Variants in C19orf67 observed in about 807,000 individuals in gnomAD.
C19orf67 encodes UPF0575 protein C19orf67.
A neutral mutation model predicts 41.4 loss-of-function variants in C19orf67; 28 were observed. The ratio of observed to expected loss-of-function variants is 0.68; its 90% CI spans 0.50 to 0.93. The LOEUF is 0.93. Ranked by LOEUF, C19orf67 falls within the 40% of genes least tolerant of loss-of-function variation. C19orf67 has a pLI of 0.00. For missense variants in C19orf67, 421 were observed against 467.0 expected, an observed-to-expected ratio of 0.90 and a Z score of 0.91; for synonymous variants, 242 against 203.4, an observed-to-expected ratio of 1.19 and a Z score of -1.62.
Position 14,081,958 on chromosome 19 carries a change from C to T in C19orf67, c.953G>A (p.Gly318Asp). The T allele has an allele frequency of 6.5e-7, 1 of 1,531,408 alleles. No homozygotes were observed. The highest frequency in any genetic ancestry group is 8.7e-7 in the Non-Finnish European group (1 of 1,144,066). The allele number at this position is 1,531,408 out of a possible 1,614,324, so 94.9% of individuals were successfully genotyped here. The stretch of plus-strand genomic sequence containing the variant: ...CAGCGTGGGCGTGGGCTCCTCGAAG[C>T]CGATGGTCAGCAGCTGCTGGTAGTC... The part of the protein sequence containing the change: ...LGDYQQLLTI[G>D]FEEPTPTLAT... Residue 318 changes from glycine (G) to aspartate (D), a missense_variant, in exon 6 of 6, where the codon GGC (glycine) becomes GAC (aspartate). This residue lies in a region of C19orf67 where 253 missense variants were observed against 307.0 expected (regional missense o/e 0.82). Coordinates refer to ENST00000548523, the MANE Select transcript of C19orf67 (RefSeq NM_001277378.2).
In C19orf67 at chr19:14,081,846, C is replaced by G; in HGVS notation, c.1065G>C (p.Ala355=). The change falls in exon 6 of 6, where the codon GCG becomes GCC. Residue 355 remains alanine, a synonymous_variant. Coordinates refer to ENST00000548523, the MANE Select transcript of C19orf67 (RefSeq NM_001277378.2). ...PSAAGPAGWA[A]QGS is the part of the protein sequence containing the mutation. Reference sequence around the variant, plus strand: ...CTCTTCCCCAGGTTCAAGACCCCTGCGCTGCCCACCCCGCAGGCCCGGCTG... The same window carrying G: ...CTCTTCCCCAGGTTCAAGACCCCTGGGCTGCCCACCCCGCAGGCCCGGCTG... 6.5e-7 allele frequency: 1 copy of G among 1,532,142 alleles called. No homozygotes were observed. The highest frequency in any genetic ancestry group is 8.7e-7 in the Non-Finnish European group (1 of 1,144,922). The allele number at this position is 1,532,142 out of a possible 1,614,324, so 94.9% of individuals were successfully genotyped here. A position where few individuals can be genotyped will look rare whatever the true frequency, so the allele number is the denominator to read the frequency against.
At chr19:14,082,352 A>G (rs185869067) in intron 5 of C19orf67, 117 bp downstream of exon 5, 23 of 1,213,076 alleles carry the variant, frequency 1.9e-5, no homozygotes, top group Non-Finnish European at 2.5e-5. Flanking sequence ...TCAGGGCACA[A>G]TAAAATGCTA....
chr19:14,084,403 AAAC>A (rs1259807635), intron 1 of C19orf67, among the ~76,000 whole-genome samples: 2 of 151,422 alleles, frequency 1.3e-5, no homozygotes, highest in African/African-American at 2.4e-5. Flanking sequence ...AAAAAAAAAA[AAAC>A]AGCCTCATGA....
In C19orf67 at chr19:14,081,953, C is replaced by T. The variant is rs545489390; in HGVS notation, c.958G>A (p.Glu320Lys). Residue 320 changes from glutamate to lysine, a missense_variant, in exon 6 of 6, where the codon GAG (glutamate) becomes AAG (lysine). Physicochemically the swap from Glu to Lys is moderately conservative, Grantham distance 56. Coordinates refer to ENST00000548523, the MANE Select transcript of C19orf67 (RefSeq NM_001277378.2). ...GTGGCCAGCGTGGGCGTGGGCTCCTCGAAGCCGATGGTCAGCAGCTGCTGG... is the reference window on the plus strand; with the variant it reads ...GTGGCCAGCGTGGGCGTGGGCTCCTTGAAGCCGATGGTCAGCAGCTGCTGG... ...DYQQLLTIGF[E>K]EPTPTLATDL... The T allele has an allele frequency of 3.3e-6, 5 of 1,531,988 alleles. No individual in the cohort carries two copies. The African/African-American group carries it at 5.5e-5, about 17-fold the overall frequency. The allele number at this position is 1,531,988 out of a possible 1,614,324, so 94.9% of individuals were successfully genotyped here. A position where few individuals can be genotyped will look rare whatever the true frequency, so the allele number is the denominator to read the frequency against.
At chr19:14,082,705 C>T in intron 4 of C19orf67, 102 bp from the exon 5 acceptor site, 1 of 1,147,120 alleles carries the variant, frequency 8.7e-7, no homozygotes, top group Non-Finnish European at 1.2e-6. Flanking sequence ...CAGAAGTTGC[C>T]CTGAAGTTCT....
At position 14,082,014 on chromosome 19, in the gene C19orf67, GT is replaced by G; in HGVS notation, c.903-7del. Reference sequence around the variant, plus strand: ...GCGGCTGCGGGCACAAAATCCTGGGGTGGGGGGGCCAGGGATAGACAGGCCT... The same window carrying G: ...GCGGCTGCGGGCACAAAATCCTGGGGGGGGGGGCCAGGGATAGACAGGCCT... On this transcript the variant is annotated splice_polypyrimidine_tract_variant and splice_region_variant and intron_variant, in intron 5 of 5. Coordinates refer to ENST00000548523, the MANE Select transcript of C19orf67 (RefSeq NM_001277378.2). 1 of 1,495,402 alleles carries G rather than the reference GT, an allele frequency of 6.7e-7. No individual in the cohort carries two copies. The highest frequency in any genetic ancestry group is 8.9e-7 in the Non-Finnish European group (1 of 1,124,018). The allele number at this position is 1,495,402 out of a possible 1,614,324, so 92.6% of individuals were successfully genotyped here.
Position 14,081,896 on chromosome 19 carries a change from C to T in C19orf67, c.1015G>A (p.Ala339Thr), listed in dbSNP as rs1238309631. The change falls in exon 6 of 6, where the codon GCA (alanine) becomes ACA (threonine). Residue 339 changes from alanine (A) to threonine (T), a missense_variant. Physicochemically the swap from Ala to Thr is moderately conservative, Grantham distance 58. Transcript: ENST00000548523. The stretch of plus-strand genomic sequence containing the variant: ...GCGCTCGGAGGCCGGGCCTGGCCTG[C>T]CTGGCCCGTGAGGATCTGCACCAGC... ...DLLVQILTGQ[A>T]GQARPPSAAG... The T allele has an allele frequency of 2.0e-6, 3 of 1,534,392 alleles. No individual in the cohort carries two copies. The highest frequency in any genetic ancestry group is 2.6e-6 in the Non-Finnish European group (3 of 1,145,894).
chr19:14,082,108 TTGTTTCAGCTGCGGG>T (rs1487770016), intron 5 of C19orf67, 100 bp from the exon 6 acceptor site: 35 of 1,072,354 alleles, frequency 3.3e-5, no homozygotes, highest in Non-Finnish European at 4.0e-5. Flanking sequence ...GAAAGAGGCT[TTGTTTCAGCTGCGGG>T]TGGGAAAAAC....
In C19orf67 at chr19:14,081,820, C is replaced by T. The variant is rs575816704; in HGVS notation, c.*14G>A. ...GGAACTGTCAAGTTCCAGCTCCTAC[C>T]CTCTTCCCCAGGTTCAAGACCCCTG... On this transcript the variant is annotated 3_prime_UTR_variant, in exon 6 of 6. Transcript: ENST00000548523. 544 of 1,505,056 alleles carry T rather than the reference C, an allele frequency of 3.6e-4. 2 individuals are homozygous for T. The South Asian group carries it at 6.3e-3, about 17-fold the overall frequency. 93.2% of individuals were successfully genotyped at this position (1,505,056 alleles called of 1,614,324 possible).
intron 5 of C19orf67, among the ~76,000 whole-genome samples, chr19:14,082,267 C>A (rs1231141681): frequency 6.6e-6 from 1 of 152,084 alleles, no homozygotes; most frequent in East Asian, 1.9e-4. Flanking sequence ...CTCTGAGCAC[C>A]CTGTTTTCTT....
intron 5 of C19orf67, among the ~76,000 whole-genome samples, 161 bp from the exon 6 acceptor site, chr19:14,082,169 C>T (rs1976778023): frequency 6.6e-6 from 1 of 152,190 alleles, no homozygotes; most frequent in Non-Finnish European, 1.5e-5. Context: ...TGATCAGAGA[C>T]TTAGTAATGG....
At chr19:14,083,008 C>T (rs753052338) in intron 4 of C19orf67, among the ~76,000 whole-genome samples, 2 of 152,056 alleles carry the variant, frequency 1.3e-5, no homozygotes, top group African/African-American at 2.4e-5. Flanking sequence ...TCACGCCTGG[C>T]GAATTTCTTT....
In C19orf67 at chr19:14,085,578, T is replaced by C; in HGVS notation, c.50A>G (p.Glu17Gly). The C allele has an allele frequency of 2.0e-6, 3 of 1,535,240 alleles. No homozygotes were observed. The highest frequency in any genetic ancestry group is 2.6e-6 in the Non-Finnish European group (3 of 1,146,614). ...FEGSLPLDPG[E>G]TPPPDALEPG... is the part of the protein sequence containing the mutation. ...TTCCAAGGCGTCTGGAGGCGGTGTT[T>C]CTCCAGGGTCCAGGGGGAGCGACCC... The change falls in exon 1 of 6, where the codon GAA becomes GGA. Residue 17 changes from glutamate (E) to glycine (G), a missense_variant. By Grantham distance (98) the Glu-to-Gly change is moderately conservative. Coordinates refer to ENST00000548523, the MANE Select transcript of C19orf67 (RefSeq NM_001277378.2).
In C19orf67 at chr19:14,081,795, G is replaced by T; in HGVS notation, c.*39C>A. ...TCCCCTGCCCCCTATTCTGGAGTTTGGAACTGTCAAGTTCCAGCTCCTACC... is the reference window on the plus strand; with the variant it reads ...TCCCCTGCCCCCTATTCTGGAGTTTTGAACTGTCAAGTTCCAGCTCCTACC... On this transcript the variant is annotated 3_prime_UTR_variant, in exon 6 of 6. Coordinates refer to ENST00000548523, the MANE Select transcript of C19orf67 (RefSeq NM_001277378.2). 3 of 1,438,588 alleles carry T rather than the reference G, an allele frequency of 2.1e-6. No homozygotes were observed. Among genetic ancestry groups the T allele is most frequent in the African/African-American group, 1.5e-5 (1 of 68,844 alleles). 89.1% of individuals were successfully genotyped at this position (1,438,588 alleles called of 1,614,324 possible). A position where few individuals can be genotyped will look rare whatever the true frequency, so the allele number is the denominator to read the frequency against.
chr19:14,085,536 C>G lies in C19orf67; in HGVS notation c.92G>C (p.Cys31Ser). The G allele has an allele frequency of 6.5e-7, 1 of 1,535,346 alleles. No homozygotes were observed. The highest frequency in any genetic ancestry group is 1.4e-5 in the African/African-American group (1 of 73,148). The change falls in exon 1 of 6, where the codon TGC becomes TCC. Residue 31 changes from cysteine to serine, a missense_variant. Coordinates refer to ENST00000548523, the MANE Select transcript of C19orf67 (RefSeq NM_001277378.2). ...PDALEPGTPP[C>S]GDPSRSTPPG... The stretch of plus-strand genomic sequence containing the variant: ...GGGCGTCGACCTGGAGGGGTCTCCG[C>G]AGGGCGGCGTCCCAGGTTCCAAGGC...
In C19orf67 at chr19:14,085,501, G is replaced by T. The variant is rs531094746; in HGVS notation, c.127C>A (p.Pro43Thr). ...GGATCCGGCTCAGATGGGTTCCCAGGCCTGCCAGGGGGCGTCGACCTGGAG... is the reference window on the plus strand; with the variant it reads ...GGATCCGGCTCAGATGGGTTCCCAGTCCTGCCAGGGGGCGTCGACCTGGAG... ...DPSRSTPPGR[P>T]GNPSEPDPED... Residue 43 changes from proline to threonine, a missense_variant, in exon 1 of 6, where the codon CCT becomes ACT. By Grantham distance (38) the Pro-to-Thr change is conservative (BLOSUM62 -1). Transcript: ENST00000548523. 6.5e-7 allele frequency: 1 copy of T among 1,535,498 alleles called. No individual in the cohort carries two copies. Among genetic ancestry groups the T allele is most frequent in the African/African-American group, 1.4e-5 (1 of 73,164 alleles).
Position 14,085,336 on chromosome 19 carries a change from G to A in C19orf67, c.292C>T (p.Leu98=), listed in dbSNP as rs1400474286. Residue 98 remains leucine (L), a synonymous_variant, in exon 1 of 6, where the codon CTA becomes TTA. Transcript: ENST00000548523. ...FSPITQQLRY[L]LKKADDFQSY... is the part of the protein sequence containing the mutation. ...TGGAAATCATCTGCCTTCTTCAGTA[G>A]GTAGCGCAGCTGTTGGGTGATGGGG... 6.5e-7 allele frequency: 1 copy of A among 1,536,234 alleles called. No individual in the cohort carries two copies. The highest frequency in any genetic ancestry group is 1.2e-5 in the South Asian group (1 of 84,064).
chr19:14,083,101 A>G, intron 4 of C19orf67, 136 bp downstream of exon 4: 1 of 743,244 alleles, frequency 1.3e-6, no homozygotes, highest in South Asian at 1.8e-5. Flanking sequence ...TCGGCCTCCC[A>G]AAGTGTTGGG....
chr19:14,081,777 C>A lies in C19orf67; in HGVS notation c.*57G>T. On this transcript the variant is annotated 3_prime_UTR_variant, in exon 6 of 6. Coordinates refer to ENST00000548523, the MANE Select transcript of C19orf67 (RefSeq NM_001277378.2). ...CGAGAACGAGTGAGCCCCTCCCCTG[C>A]CCCCTATTCTGGAGTTTGGAACTGT... 1 of 1,361,722 alleles carries A rather than the reference C, an allele frequency of 7.3e-7. No individual in the cohort carries two copies. The highest frequency in any genetic ancestry group is 2.9e-5 in the Admixed American group (1 of 34,142). 84.4% of individuals were successfully genotyped at this position (1,361,722 alleles called of 1,614,324 possible). A position where few individuals can be genotyped will look rare whatever the true frequency, so the allele number is the denominator to read the frequency against.
Sources: allele counts gnomAD v4.1 joint callset (sites outside exome capture counted in the v4.1 genomes callset), GRCh38; gene constraint gnomAD v4.1.1; regional missense constraint gnomAD v4.1.1; transcripts MANE v1.5; gene names NCBI Gene and HGNC (gene_info 2026-07-23, HGNC 2026-07-21).